Variants in SLC25A21 observed in about 807,000 individuals in gnomAD.
SLC25A21 encodes mitochondrial 2-oxodicarboxylate carrier.
A neutral mutation model predicts 43.8 loss-of-function variants in SLC25A21; 47 were observed. The observed-to-expected ratio is 1.07, with a 90% CI of 0.85 to 1.37. The LOEUF (loss-of-function observed/expected upper bound fraction) is 1.37, where lower values mean the gene tolerates loss of function less well. Among genes scored for constraint, SLC25A21 ranks in the 40% most tolerant of loss-of-function variants. SLC25A21 has a pLI of 0.00. For synonymous variants in SLC25A21, 131 were observed against 121.3 expected (o/e 1.08, Z -0.52); for missense variants, 352 against 350.2 (o/e 1.00, Z -0.04).
intron 1 of SLC25A21, among the ~76,000 whole-genome samples, chr14:37,130,985 C>G (rs1272439306): frequency 6.6e-6 from 1 of 152,096 alleles, no homozygotes; most frequent in African/African-American, 2.4e-5. Flanking sequence ...AGTTAAATGC[C>G]CCACCACTGG....
chr14:37,043,098 G>C (rs1961509320), intron 1 of SLC25A21, among the ~76,000 whole-genome samples: 2 of 152,128 alleles, frequency 1.3e-5, no homozygotes, highest in African/African-American at 4.8e-5. Context: ...CCCACCTTCT[G>C]CCACAGACAC....
At chr14:36,821,195 C>T (rs541826577) in intron 2 of SLC25A21, among the ~76,000 whole-genome samples, 16 of 152,240 alleles carry the variant, frequency 1.1e-4, no homozygotes, top group South Asian at 2.1e-4. Context: ...AGAATTCCCA[C>T]CATGTATGTT....
chr14:36,685,766 G>A (rs894397106), intron 7 of SLC25A21, among the ~76,000 whole-genome samples: 7 of 152,230 alleles, frequency 4.6e-5, no homozygotes, highest in Admixed American at 6.5e-5. Context: ...GGTCTTATGT[G>A]GGAGTCACTT....
chr14:36,942,417 G>A (rs1430421756), intron 1 of SLC25A21, among the ~76,000 whole-genome samples: 5 of 152,280 alleles, frequency 3.3e-5, no homozygotes, highest in Middle Eastern at 6.8e-3. Flanking sequence ...ACCTAGTGGC[G>A]GACGGCGGTA....
At chr14:36,865,141 T>C (rs2682833) in intron 2 of SLC25A21, among the ~76,000 whole-genome samples, 128,760 of 151,632 alleles carry the variant, frequency 0.85, 55,361 homozygotes, top group Non-Finnish European at 0.92. Flanking sequence ...TAACTGTTCA[T>C]TTTAAAGTTC....
chr14:36,881,610 C>A (rs1215578122), intron 1 of SLC25A21, among the ~76,000 whole-genome samples: 1 of 152,134 alleles, frequency 6.6e-6, no homozygotes, highest in African/African-American at 2.4e-5. Context: ...TCCTTTACAA[C>A]CTAGGTCACA....
chr14:36,715,720 C>T (rs1193583191), intron 6 of SLC25A21, among the ~76,000 whole-genome samples: 7 of 152,044 alleles, frequency 4.6e-5, no homozygotes, highest in African/African-American at 1.7e-4. Context: ...TTTATATTTA[C>T]CTATGAGAGT....
intron 1 of SLC25A21, among the ~76,000 whole-genome samples, chr14:37,119,410 G>A (rs542705293): frequency 1.6e-4 from 25 of 152,132 alleles, no homozygotes; most frequent in African/African-American, 5.3e-4. Context: ...TTATCCAGGC[G>A]TGGTGGTGTG....
intron 2 of SLC25A21, among the ~76,000 whole-genome samples, chr14:36,823,566 C>T (rs1362128690): frequency 3.3e-5 from 5 of 152,112 alleles, no homozygotes; most frequent in Non-Finnish European, 7.3e-5. Flanking sequence ...ATGAAACCAA[C>T]TCATATTTGG....
At chr14:36,774,530 A>G (rs1423657839) in intron 3 of SLC25A21, among the ~76,000 whole-genome samples, 1 of 152,204 alleles carries the variant, frequency 6.6e-6, no homozygotes, top group Non-Finnish European at 1.5e-5. Flanking sequence ...AGATGAACAG[A>G]AGGCTTTATA....
chr14:37,112,570 C>T (rs899360754), intron 1 of SLC25A21, among the ~76,000 whole-genome samples: 6 of 152,152 alleles, frequency 3.9e-5, no homozygotes, highest in Admixed American at 6.5e-5. Context: ...AACTATACTT[C>T]GCAGAGTCCT....
intron 3 of SLC25A21, among the ~76,000 whole-genome samples, chr14:36,736,317 A>G (rs2139232448): frequency 6.6e-6 from 1 of 152,284 alleles, no homozygotes; most frequent in East Asian, 1.9e-4. Context: ...GAGCTATGGC[A>G]ATTCATGAGT....
intron 2 of SLC25A21, among the ~76,000 whole-genome samples, chr14:36,839,517 C>T (rs1854255894): frequency 6.6e-6 from 1 of 152,308 alleles, no homozygotes; most frequent in East Asian, 1.9e-4. Context: ...GACACTCTTG[C>T]TCTAAAAAAT....
chr14:36,836,119 G>A (rs1332690172), intron 2 of SLC25A21, among the ~76,000 whole-genome samples: 3 of 152,172 alleles, frequency 2.0e-5, no homozygotes, highest in South Asian at 2.1e-4. Context: ...AAGAATATGC[G>A]GCCTGGTTAT....
chr14:36,794,767 T>TAAA (rs564868791), intron 3 of SLC25A21, among the ~76,000 whole-genome samples: 1 of 141,554 alleles, frequency 7.1e-6, no homozygotes, highest in African/African-American at 2.6e-5. Flanking sequence ...AGACTCCATT[T>TAAA]AAAAAAAAAA....
At position 36,838,555 on chromosome 14, in the gene SLC25A21, T is replaced by C. The variant is rs541431716; in HGVS notation, c.120-24554A>G. On this transcript the variant is annotated intron_variant, in intron 2 of 9. Coordinates refer to ENST00000331299, the MANE Select transcript of SLC25A21 (RefSeq NM_030631.4). ...AAGCCATAGCCTACTTGAGCTAATATGCCTGGGGTATGCAGAACAGGATGC... is the reference window on the plus strand; with the variant it reads ...AAGCCATAGCCTACTTGAGCTAATACGCCTGGGGTATGCAGAACAGGATGC... 3.9e-5 allele frequency among the ~76,000 whole-genome samples: 6 copies of C among 152,320 alleles called. No individual in the cohort carries two copies. The South Asian group carries it at 1.2e-3, about 32-fold the overall frequency.
At chr14:36,799,955 A>G (rs1887811141) in intron 3 of SLC25A21, among the ~76,000 whole-genome samples, 1 of 152,230 alleles carries the variant, frequency 6.6e-6, no homozygotes, top group Admixed American at 6.5e-5. Context: ...TACAATATTG[A>G]GTACCTACCA....
intron 1 of SLC25A21, among the ~76,000 whole-genome samples, chr14:37,041,374 G>A (rs1346917531): frequency 6.6e-6 from 1 of 152,114 alleles, no homozygotes; most frequent in East Asian, 1.9e-4. Flanking sequence ...ATGCTACAAA[G>A]CTGGGTGCAG....
rs566253100 is a variant in SLC25A21 at position 36,906,395 on chromosome 14, G to A, written c.71-31391C>T. Among the ~76,000 whole-genome samples, 509 of 152,140 alleles carry A rather than the reference G, an allele frequency of 3.3e-3. 4 individuals carry two copies. The highest frequency in any genetic ancestry group is 6.8e-3 in the Middle Eastern group (2 of 294). ...AAATATTTGGGATACAAATGGTAGG[G>A]AAAAAAGCAGCAAAGTAGCACAGTG... On this transcript the variant is annotated intron_variant, in intron 1 of 9. Coordinates refer to ENST00000331299, the MANE Select transcript of SLC25A21 (RefSeq NM_030631.4).
Sources: gnomAD v4.1 joint callset for allele counts (sites outside exome capture counted in the v4.1 genomes callset) on GRCh38, gnomAD v4.1.1 for gene constraint, MANE v1.5 for transcripts, NCBI Gene and HGNC (gene_info 2026-07-23, HGNC 2026-07-21) for gene names.